Variants in NUDC observed in about 807,000 individuals in gnomAD.
The protein encoded by NUDC is nuclear distribution C, dynein complex regulator, also known as nuclear migration protein nudC.
Under a neutral mutation model 45.0 loss-of-function variants are expected in NUDC, and 14 were observed. The ratio of observed to expected loss-of-function variants is 0.31; its 90% confidence interval spans 0.21 to 0.49. NUDC has a LOEUF of 0.49. NUDC is among the 20% of genes least tolerant of loss of function. The pLI, the probability that NUDC is intolerant of heterozygous loss-of-function variation, is 0.99. For synonymous variants in NUDC, 153 were observed against 156.7 expected (o/e 0.98, Z 0.17); for missense variants, 323 against 426.2 (o/e 0.76, Z 2.13).
At chr1:26,906,432 AGAAT>A (rs1160688933) in intron 2 of NUDC, among the ~76,000 whole-genome samples, 2 of 152,210 alleles carry the variant, frequency 1.3e-5, no homozygotes, top group East Asian at 3.9e-4. Flanking sequence ...CCTGGGCAAC[AGAAT>A]GAGACTGTGT....
chr1:26,905,831 C>T (rs1395030765), intron 2 of NUDC, among the ~76,000 whole-genome samples: 1 of 152,212 alleles, frequency 6.6e-6, no homozygotes, highest in Admixed American at 6.5e-5. Flanking sequence ...ACATCCTTCA[C>T]TCCTTGAGTT....
chr1:26,933,185 C>T (rs1364293574), intron 2 of NUDC, among the ~76,000 whole-genome samples: 4 of 151,876 alleles, frequency 2.6e-5, no homozygotes, highest in African/African-American at 2.4e-5. Context: ...CTGCCTGGCT[C>T]GGCCTCCCAA....
At chr1:26,926,199 A>T (rs372991601) in intron 2 of NUDC, among the ~76,000 whole-genome samples, 1 of 152,080 alleles carries the variant, frequency 6.6e-6, no homozygotes, top group Non-Finnish European at 1.5e-5. Context: ...TTTATAATAG[A>T]CATAAACAAG....
chr1:26,905,182 A>T (rs2081998073), intron 2 of NUDC, among the ~76,000 whole-genome samples: 1 of 95,444 alleles, frequency 1.0e-5, no homozygotes, highest in South Asian at 3.4e-4. Flanking sequence ...TTTTTTTGAG[A>T]CAGAGCCTCA....
In NUDC at chr1:26,911,885, T is replaced by C. The variant is rs1477959726; in HGVS notation, c.93+650T>C. On this transcript the variant is annotated intron_variant, in intron 3 of 6. Coordinates refer to the NUDC transcript ENST00000435827. ...CATGTCCCCAAGAAGGCCAGCGATG[T>C]CAACATCTCCAATGATAGGGCGAAA... The C allele has an allele frequency of 1.1e-4, 184 of 1,613,942 alleles. No individual in the cohort carries two copies. Among genetic ancestry groups the C allele is most frequent in the Non-Finnish European group, 1.5e-4 (182 of 1,179,998 alleles).
In NUDC at chr1:26,941,464, C is replaced by G; in HGVS notation, c.167C>G (p.Thr56Arg). ...GEEGMAEKLI[T>R]QTFSHHNQLA... ...CCTTTCTTCCCTCTCCAGCTTATCA[C>G]ACAGACTTTCAGCCACCACAATCAG... The change falls in exon 3 of 9, where the codon ACA (threonine) becomes AGA (arginine). Residue 56 changes from threonine (T) to arginine (R), a missense_variant. Thr to Arg is a moderately conservative substitution (Grantham distance 71). Coordinates refer to ENST00000321265, the MANE Select transcript of NUDC (RefSeq NM_006600.4). 6.2e-7 allele frequency: 1 copy of G among 1,613,894 alleles called. No homozygotes were observed. Among genetic ancestry groups the G allele is most frequent in the Non-Finnish European group, 8.5e-7 (1 of 1,179,992 alleles).
intron 2 of NUDC, among the ~76,000 whole-genome samples, chr1:26,935,188 G>A (rs958943985): frequency 6.6e-6 from 1 of 151,068 alleles, no homozygotes; most frequent in South Asian, 2.1e-4. Flanking sequence ...CACTGTGTTG[G>A]CCAACCTGGT....
At chr1:26,922,743 G>A (rs1450690147) in intron 1 of NUDC, among the ~76,000 whole-genome samples, 1 of 152,226 alleles carries the variant, frequency 6.6e-6, no homozygotes, top group African/African-American at 2.4e-5. Flanking sequence ...GCTTCCCAGA[G>A]TCCATGGCTG....
At chr1:26,907,682 C>G (rs1188322726) in intron 2 of NUDC, among the ~76,000 whole-genome samples, 1 of 152,190 alleles carries the variant, frequency 6.6e-6, no homozygotes. Flanking sequence ...AAATGGTACT[C>G]TAGGCTGACC....
At chr1:26,903,194 A>G (rs528758527) in intron 2 of NUDC, among the ~76,000 whole-genome samples, 6 of 152,342 alleles carry the variant, frequency 3.9e-5, no homozygotes, top group Non-Finnish European at 8.8e-5. Context: ...AGTTAAAGCC[A>G]GTCAGAAAAC....
At chr1:26,941,334 A>C in intron 2 of NUDC, 123 bp from the exon 3 acceptor site, 2 of 928,530 alleles carry the variant, frequency 2.2e-6, no homozygotes, top group Non-Finnish European at 3.4e-6. Context: ...GCACATGAGG[A>C]AACCGAGTTT....
At chr1:26,903,542 G>A (rs12739698) in intron 2 of NUDC, among the ~76,000 whole-genome samples, 8,106 of 152,100 alleles carry the variant, frequency 0.053, 298 homozygotes, top group Non-Finnish European at 0.078. Flanking sequence ...CCTTGTGATA[G>A]CAAATATACA....
chr1:26,944,034 TG>T (rs1390958125), intron 6 of NUDC, among the ~76,000 whole-genome samples: 2 of 151,726 alleles, frequency 1.3e-5, no homozygotes, highest in African/African-American at 4.8e-5. Flanking sequence ...CCCGCCACCA[TG>T]CCTGTATTTT....
chr1:26,933,899 A>T (rs563102738), intron 2 of NUDC, among the ~76,000 whole-genome samples: 1 of 152,304 alleles, frequency 6.6e-6, no homozygotes, highest in African/African-American at 2.4e-5. Context: ...TCACGCCTGT[A>T]ATCCCACCAC....
intron 2 of NUDC, among the ~76,000 whole-genome samples, chr1:26,926,956 A>G (rs559307466): frequency 2.5e-4 from 38 of 152,296 alleles, no homozygotes; most frequent in African/African-American, 9.1e-4. Context: ...GTTAGGTGCT[A>G]TATCAAACCT....
chr1:26,930,474 G>A (rs2082171703), intron 2 of NUDC, among the ~76,000 whole-genome samples: 1 of 152,132 alleles, frequency 6.6e-6, no homozygotes, highest in Non-Finnish European at 1.5e-5. Context: ...AAAAAATATG[G>A]GCTGAGATGG....
intron 2 of NUDC, among the ~76,000 whole-genome samples, chr1:26,936,836 G>A (rs1375338601): frequency 6.6e-6 from 1 of 151,760 alleles, no homozygotes; most frequent in Non-Finnish European, 1.5e-5. Flanking sequence ...ACCACTCGAC[G>A]ACCAGTTCTC....
chr1:26,902,713 C>T (rs1413636132), intron 2 of NUDC, among the ~76,000 whole-genome samples: 1 of 150,942 alleles, frequency 6.6e-6, no homozygotes, highest in Non-Finnish European at 1.5e-5. Flanking sequence ...TTGTGCCATG[C>T]ATTCGGTGGG....
chr1:26,937,103 G>C (rs1017898045), intron 2 of NUDC, among the ~76,000 whole-genome samples: 1 of 152,128 alleles, frequency 6.6e-6, no homozygotes, highest in African/African-American at 2.4e-5. Flanking sequence ...TTTATTTACT[G>C]TTACTTGTTT....
Sources: allele counts gnomAD v4.1 joint callset (sites outside exome capture counted in the v4.1 genomes callset), GRCh38; gene constraint gnomAD v4.1.1; transcripts MANE v1.5; gene names NCBI Gene and HGNC (gene_info 2026-07-23, HGNC 2026-07-21).